NTM: variants seen among roughly 807,000 people sequenced by gnomAD.
The protein encoded by NTM is IgLON family member 2.
Under a neutral mutation model 42.1 loss-of-function variants are expected in NTM, and 13 were observed. The observed-to-expected ratio is 0.31, with a 90% CI of 0.20 to 0.49. The LOEUF (loss-of-function observed/expected upper bound fraction) is 0.49, where lower values mean the gene tolerates loss of function less well. Among genes scored for constraint, NTM ranks in the 20% least tolerant of loss-of-function variants. NTM has a pLI of 0.99. For synonymous variants in NTM, 187 were observed against 179.2 expected, an observed-to-expected ratio of 1.04 and a Z score of -0.35; for missense variants, 373 against 452.8, an observed-to-expected ratio of 0.82 and a Z score of 1.60.
At chr11:131,613,827 G>T (rs188908206) in intron 1 of NTM, among the ~76,000 whole-genome samples, 89 of 152,236 alleles carry the variant, frequency 5.8e-4, no homozygotes, top group Admixed American at 5.8e-3. Flanking sequence ...TCCTAAAGCT[G>T]GCGGGAGCCT....
At chr11:131,480,972 G>T (rs935699108) in intron 1 of NTM, among the ~76,000 whole-genome samples, 1 of 152,216 alleles carries the variant, frequency 6.6e-6, no homozygotes, top group Non-Finnish European at 1.5e-5. Flanking sequence ...GCAATGTGCA[G>T]ATGAATCCAC....
intron 1 of NTM, among the ~76,000 whole-genome samples, chr11:131,566,303 C>T (rs2056875689): frequency 6.6e-6 from 1 of 152,158 alleles, no homozygotes; most frequent in Non-Finnish European, 1.5e-5. Flanking sequence ...GTAAGTCTCC[C>T]TTGCAGAATG....
intron 1 of NTM, among the ~76,000 whole-genome samples, chr11:131,676,429 G>A (rs1240442284): frequency 2.6e-5 from 4 of 151,532 alleles, no homozygotes; most frequent in Non-Finnish European, 5.9e-5. Context: ...CACTGAGGGT[G>A]TGTGTATCTG....
chr11:131,806,299 T>C (rs2092476047), intron 1 of NTM, among the ~76,000 whole-genome samples: 1 of 152,188 alleles, frequency 6.6e-6, no homozygotes, highest in African/African-American at 2.4e-5. Flanking sequence ...TAAAAATATC[T>C]AATAATCATA....
intron 1 of NTM, among the ~76,000 whole-genome samples, chr11:131,519,207 C>T (rs1032442931): frequency 2.0e-5 from 3 of 152,212 alleles, no homozygotes; most frequent in South Asian, 4.1e-4. Context: ...CTCTTATTCC[C>T]TTCCACTGCC....
At chr11:132,087,230 C>A (rs2059835563) in intron 2 of NTM, among the ~76,000 whole-genome samples, 1 of 152,028 alleles carries the variant, frequency 6.6e-6, no homozygotes, top group Non-Finnish European at 1.5e-5. Context: ...AAGGGGAGGC[C>A]TAGAGGGTAG....
rs59932857 is a variant in NTM, at chr11:131,870,886, G to A, written c.83-40678G>A. Among the ~76,000 whole-genome samples the A allele has an allele frequency of 9.3e-3, 1,411 of 152,096 alleles. 26 individuals carry two copies. Among genetic ancestry groups the A allele is most frequent in the African/African-American group, 0.032 (1,323 of 41,496 alleles). On this transcript the variant is annotated intron_variant, in intron 1 of 8. Coordinates refer to ENST00000683400, the MANE Select transcript of NTM (RefSeq NM_001352005.2). ...ATATTTGAGATGAAGACTCAAATGC[G>A]TCTTTTAAAAAATAGTCCTATTTCA...
At chr11:131,711,654 T>A (rs1440881594) in intron 1 of NTM, among the ~76,000 whole-genome samples, 1 of 151,956 alleles carries the variant, frequency 6.6e-6, no homozygotes, top group East Asian at 1.9e-4. Flanking sequence ...GGACTATAAA[T>A]CATGCTGCTA....
intron 1 of NTM, among the ~76,000 whole-genome samples, chr11:131,607,917 A>G (rs1379874143): frequency 6.6e-6 from 1 of 151,370 alleles, no homozygotes; most frequent in Non-Finnish European, 1.5e-5. Context: ...AATTATTATT[A>G]TTATACTTTA....
rs143750969 is a variant in NTM, at chr11:131,599,505, C to A, written c.82+228617C>A. On this transcript the variant is annotated intron_variant, in intron 1 of 8. Transcript: ENST00000683400. ...GGCTCTGCCACATCGATCTCAGCACCTTTTAGACCCTGTTAACAGCTGCTT... is the reference window on the plus strand; with the variant it reads ...GGCTCTGCCACATCGATCTCAGCACATTTTAGACCCTGTTAACAGCTGCTT... Among the ~76,000 whole-genome samples, 314 of 152,344 alleles carry A rather than the reference C, an allele frequency of 2.1e-3. 8 individuals carry two copies. The highest frequency in any genetic ancestry group is 0.018 in the South Asian group (86 of 4,830).
chr11:132,237,881 C>T (rs957296707), intron 4 of NTM, among the ~76,000 whole-genome samples: 6 of 152,174 alleles, frequency 3.9e-5, no homozygotes, highest in African/African-American at 1.4e-4. Context: ...TGTCGGCAGC[C>T]CAACCATCCC....
intron 1 of NTM, among the ~76,000 whole-genome samples, chr11:131,853,780 G>T (rs959234587): frequency 2.0e-5 from 3 of 152,160 alleles, no homozygotes; most frequent in African/African-American, 7.2e-5. Context: ...GCTGGATCAA[G>T]TGATATTTCT....
At chr11:131,933,652 C>T (rs1179947548) in intron 2 of NTM, among the ~76,000 whole-genome samples, 1 of 151,834 alleles carries the variant, frequency 6.6e-6, no homozygotes, top group African/African-American at 2.4e-5. Context: ...GCTTTAGTGT[C>T]CTCTTCCTGG....
chr11:131,767,235 A>C (rs2085267322), intron 1 of NTM: 1 of 430,448 alleles, frequency 2.3e-6, no homozygotes, highest in Non-Finnish European at 3.1e-6. Context: ...ATCTTACCTC[A>C]TAGGATTGTT....
intron 1 of NTM, among the ~76,000 whole-genome samples, chr11:131,631,474 A>AT (rs2063651044): frequency 2.6e-5 from 4 of 152,220 alleles, no homozygotes. Flanking sequence ...TCTTATGTTA[A>AT]TAAAAAAAAT....
At chr11:132,288,621 C>A (rs77355513) in intron 4 of NTM, among the ~76,000 whole-genome samples, 5 of 151,834 alleles carry the variant, frequency 3.3e-5, no homozygotes, top group Non-Finnish European at 7.4e-5. Context: ...TTCTTTCTTT[C>A]TTTTTCTTTT....
chr11:131,736,627 C>G (rs149526824), intron 1 of NTM, among the ~76,000 whole-genome samples: 37 of 152,264 alleles, frequency 2.4e-4, no homozygotes, highest in African/African-American at 8.9e-4. Flanking sequence ...TTAATGTTAG[C>G]TCCATATCTG....
chr11:132,251,420 A>T (rs1262774502), intron 4 of NTM, among the ~76,000 whole-genome samples: 1 of 152,198 alleles, frequency 6.6e-6, no homozygotes, highest in African/African-American at 2.4e-5. Context: ...AAACTGTCTC[A>T]TCCAGTTCCT....
intron 2 of NTM, among the ~76,000 whole-genome samples, chr11:131,941,477 T>C (rs2059788643): frequency 6.6e-6 from 1 of 152,214 alleles, no homozygotes; most frequent in Non-Finnish European, 1.5e-5. Context: ...TACTTCTGTG[T>C]AGTGTCTTAC....
Sources: allele counts gnomAD v4.1 joint callset (sites outside exome capture counted in the v4.1 genomes callset), GRCh38; gene constraint gnomAD v4.1.1; transcripts MANE v1.5; gene names NCBI Gene and HGNC (gene_info 2026-07-23, HGNC 2026-07-21).